ENTPD1: variants seen among roughly 807,000 people sequenced by gnomAD.
ENTPD1 encodes the protein ATP diphosphohydrolase.
A neutral mutation model predicts 57.0 loss-of-function variants in ENTPD1; 33 were observed. That is an observed-to-expected ratio of 0.58 (90% CI 0.44 to 0.77). The LOEUF is 0.77. Ranked by LOEUF, ENTPD1 falls within the 30% of genes least tolerant of loss-of-function variation. The pLI is 0.00. For synonymous variants in ENTPD1, 202 were observed against 218.8 expected (o/e 0.92, Z 0.68); for missense variants, 501 against 603.4 (o/e 0.83, Z 1.78).
At chr10:95,783,297 A>T (rs111283248) in intron 1 of ENTPD1, among the ~76,000 whole-genome samples, 302 of 152,250 alleles carry the variant, frequency 2.0e-3, no homozygotes, top group African/African-American at 6.6e-3. Context: ...CATGATTTCC[A>T]AAAGGTCATC....
intron 1 of ENTPD1, among the ~76,000 whole-genome samples, chr10:95,762,016 G>A (rs1034384607): frequency 6.6e-5 from 10 of 152,056 alleles, no homozygotes; most frequent in Non-Finnish European, 5.9e-5. Flanking sequence ...AAACTTGAGG[G>A]GGTTGTGAAG....
chr10:95,874,833 G>A lies in ENTPD1; in HGVS notation c.*8450G>A, dbSNP rs964680800. ...TGCACCCACAGGCTCAACATCACAT[G>A]GAAGCTGCCAATGCTTGGGGCCTCT... On this transcript the variant is annotated 3_prime_UTR_variant, in exon 10 of 10. Coordinates refer to ENST00000371205, the MANE Select transcript of ENTPD1 (RefSeq NM_001776.6). Among the ~76,000 whole-genome samples, 4 of 152,238 alleles carry A rather than the reference G, an allele frequency of 2.6e-5. No individual in the cohort carries two copies. Among genetic ancestry groups the A allele is most frequent in the Admixed American group, 6.5e-5 (1 of 15,286 alleles).
At chr10:95,731,781 C>CTTTTGTTTTTTTTTT (rs2097989366) in intron 1 of ENTPD1, among the ~76,000 whole-genome samples, 1 of 79,180 alleles carries the variant, frequency 1.3e-5, no homozygotes. Context: ...AGTGGACATC[C>CTTTTGTTTTTTTTTT]TTTTTTTTTT....
chr10:95,765,635 A>G (rs929150034), intron 1 of ENTPD1, among the ~76,000 whole-genome samples: 1 of 152,034 alleles, frequency 6.6e-6, no homozygotes, highest in African/African-American at 2.4e-5. Context: ...CTCCAATTTC[A>G]TTTTATTTTT....
At chr10:95,772,370 C>T (rs1053520973) in intron 1 of ENTPD1, among the ~76,000 whole-genome samples, 5 of 152,226 alleles carry the variant, frequency 3.3e-5, no homozygotes, top group African/African-American at 1.2e-4. Flanking sequence ...AGTCAATCCT[C>T]CTCCAGCACT....
chr10:95,867,309 A>G lies in ENTPD1; in HGVS notation c.*926A>G, dbSNP rs2141015369. 1 of 983,428 alleles carries G rather than the reference A, an allele frequency of 1.0e-6. No individual in the cohort carries two copies. Among genetic ancestry groups the G allele is most frequent in the Non-Finnish European group, 1.2e-6 (1 of 828,084 alleles). The allele number at this position is 983,428 out of a possible 1,614,324, so 60.9% of individuals were successfully genotyped here. ...AGTACATTCACAGTGTTGTGCCACC[A>G]TCACCACTATTTAGTTCCAGAACAT... On this transcript the variant is annotated 3_prime_UTR_variant, in exon 10 of 10. Transcript: ENST00000371205.
chr10:95,861,275 A>T (rs574729136), intron 8 of ENTPD1: 3 of 152,648 alleles, frequency 2.0e-5, no homozygotes, highest in Admixed American at 6.5e-5. Context: ...CTACTTATTC[A>T]TAAACTTGAA....
chr10:95,704,423 G>A, the ENTPD1 span, among the ~76,000 whole-genome samples: 1 of 152,036 alleles, frequency 6.6e-6, no homozygotes, highest in African/African-American at 2.4e-5. Context: ...AGAATAAAAT[G>A]GTATCGCTTT....
intron 1 of ENTPD1, among the ~76,000 whole-genome samples, chr10:95,738,743 A>G (rs993398107): frequency 2.1e-4 from 32 of 152,196 alleles, no homozygotes; most frequent in Non-Finnish European, 4.7e-4. Context: ...TAAAATGACA[A>G]TTAGAGGGAG....
chr10:95,704,015 C>G, the ENTPD1 span, among the ~76,000 whole-genome samples: 1 of 151,696 alleles, frequency 6.6e-6, no homozygotes, highest in Non-Finnish European at 1.5e-5. Context: ...TGCTTGAACC[C>G]GGGAGGCAGA....
intron 1 of ENTPD1, among the ~76,000 whole-genome samples, chr10:95,737,372 A>AG (rs1225155947): frequency 6.6e-6 from 1 of 152,096 alleles, no homozygotes; most frequent in African/African-American, 2.4e-5. Flanking sequence ...AATTGACAGT[A>AG]GAAAAAAAAA....
intron 1 of ENTPD1, among the ~76,000 whole-genome samples, chr10:95,793,740 G>T (rs192590058): frequency 6.6e-6 from 1 of 152,038 alleles, no homozygotes; most frequent in Non-Finnish European, 1.5e-5. Flanking sequence ...TTTTTAGAAG[G>T]TTCTTTAAAG....
intron 1 of ENTPD1, among the ~76,000 whole-genome samples, chr10:95,817,497 CTT>C (rs1469067905): frequency 6.6e-6 from 1 of 152,198 alleles, no homozygotes; most frequent in Non-Finnish European, 1.5e-5. Flanking sequence ...ATATGAATGA[CTT>C]TAGAAGTAAG....
chr10:95,855,478 T>C (rs2140935758), intron 7 of ENTPD1, among the ~76,000 whole-genome samples: 1 of 152,176 alleles, frequency 6.6e-6, no homozygotes, highest in African/African-American at 2.4e-5. Context: ...ATCCTGTCAT[T>C]ATGATGTTAG....
chr10:95,743,747 AC>A (rs2098002837), intron 1 of ENTPD1, among the ~76,000 whole-genome samples: 1 of 150,910 alleles, frequency 6.6e-6, no homozygotes. Context: ...ACTTTGACAC[AC>A]CCCATCATTG....
intron 1 of ENTPD1, among the ~76,000 whole-genome samples, chr10:95,804,572 T>C (rs1001010441): frequency 3.3e-5 from 5 of 152,244 alleles, no homozygotes; most frequent in Non-Finnish European, 7.3e-5. Context: ...CTTATCAGCT[T>C]AAGGAGATTT....
intron 2 of ENTPD1, among the ~76,000 whole-genome samples, chr10:95,835,947 A>G (rs1217315880): frequency 1.3e-5 from 2 of 152,084 alleles, no homozygotes. Flanking sequence ...TATGACTTTT[A>G]TAGTTTGAGG....
At chr10:95,723,756 C>T (rs1045874775) in intron 1 of ENTPD1, among the ~76,000 whole-genome samples, 3 of 152,160 alleles carry the variant, frequency 2.0e-5, no homozygotes, top group Non-Finnish European at 4.4e-5. Context: ...GAGTTCGGGA[C>T]AACAGCTTTC....
At chr10:95,841,432 T>C (rs2098422474) in intron 3 of ENTPD1, among the ~76,000 whole-genome samples, 1 of 152,120 alleles carries the variant, frequency 6.6e-6, no homozygotes, top group South Asian at 2.1e-4. Flanking sequence ...ACTTATCCCA[T>C]GAGCGTTTGG....
Sources: gnomAD v4.1 joint callset for allele counts (sites outside exome capture counted in the v4.1 genomes callset) on GRCh38, gnomAD v4.1.1 for gene constraint, MANE v1.5 for transcripts, NCBI Gene and HGNC (gene_info 2026-07-23, HGNC 2026-07-21) for gene names.